The following SAMTOR variants were observed in gnomAD, a reference collection of about 807,000 sequenced individuals.
SAMTOR encodes the protein UPF0532 protein C7orf60.
chr7:112,894,520 G>T, the SAMTOR span, among the ~76,000 whole-genome samples: 3 of 152,122 alleles, frequency 2.0e-5, no homozygotes, highest in African/African-American at 7.2e-5. Flanking sequence ...AGGTTTAATG[G>T]ACTCACAGCT....
At chr7:112,847,480 A>C in the SAMTOR span, among the ~76,000 whole-genome samples, 1 of 152,176 alleles carries the variant, frequency 6.6e-6, no homozygotes. Context: ...TTTGATGTGG[A>C]AAATATTACA....
chr7:112,910,778 A>G, the SAMTOR span, among the ~76,000 whole-genome samples: 1 of 152,166 alleles, frequency 6.6e-6, no homozygotes, highest in Admixed American at 6.5e-5. Flanking sequence ...AATAAATGAG[A>G]TTGAGGAAAT....
chr7:112,826,176 C>T, the SAMTOR span, among the ~76,000 whole-genome samples: 1 of 151,980 alleles, frequency 6.6e-6, no homozygotes, highest in African/African-American at 2.4e-5. Flanking sequence ...GAGTAATGGC[C>T]TCATAGAATG....
the SAMTOR span, among the ~76,000 whole-genome samples, chr7:112,916,739 C>T: frequency 6.6e-6 from 1 of 152,146 alleles, no homozygotes; most frequent in Non-Finnish European, 1.5e-5. Context: ...CACTCCCACC[C>T]TAATACTGCG....
chr7:112,820,978 G>A, the SAMTOR span: 1 of 152,376 alleles, frequency 6.6e-6, no homozygotes, highest in Non-Finnish European at 1.5e-5. Context: ...TGAAGCCTAA[G>A]TTTAAGAAAA....
the SAMTOR span, among the ~76,000 whole-genome samples, chr7:112,842,238 C>G: frequency 6.6e-6 from 1 of 151,878 alleles, no homozygotes; most frequent in South Asian, 2.1e-4. Context: ...TTTTGTGGAC[C>G]CACTTTGCAG....
chr7:112,934,940 T>C, the SAMTOR span, among the ~76,000 whole-genome samples: 2 of 152,326 alleles, frequency 1.3e-5, no homozygotes, highest in South Asian at 2.1e-4. Context: ...ATGCCCTTCA[T>C]TGAACTGACT....
At chr7:112,882,205 C>G in the SAMTOR span, among the ~76,000 whole-genome samples, 9 of 152,346 alleles carry the variant, frequency 5.9e-5, no homozygotes, top group East Asian at 1.5e-3. Context: ...TCACACACCC[C>G]TTGCCACTCT....
chr7:112,859,500 T>C, the SAMTOR span, among the ~76,000 whole-genome samples: 2 of 152,238 alleles, frequency 1.3e-5, no homozygotes, highest in Non-Finnish European at 2.9e-5. Flanking sequence ...ACTTTTGTTA[T>C]ATTAGTGTAT....
chr7:112,856,925 A>G, the SAMTOR span, among the ~76,000 whole-genome samples: 4 of 152,172 alleles, frequency 2.6e-5, no homozygotes, highest in Non-Finnish European at 5.9e-5. Flanking sequence ...TTATCTGATA[A>G]GTTAGGTTCA....
the SAMTOR span, among the ~76,000 whole-genome samples, chr7:112,827,213 C>CT: frequency 2.6e-5 from 4 of 152,092 alleles, no homozygotes; most frequent in Admixed American, 1.3e-4. Context: ...TGGGTCTTGG[C>CT]TTTTTTCCCC....
the SAMTOR span, among the ~76,000 whole-genome samples, chr7:112,880,346 T>G: frequency 2.6e-5 from 4 of 152,248 alleles, no homozygotes; most frequent in East Asian, 5.8e-4. Context: ...TAGACGATCA[T>G]ACAGTATTTC....
the SAMTOR span, among the ~76,000 whole-genome samples, chr7:112,874,088 A>G: frequency 1.3e-5 from 2 of 152,268 alleles, no homozygotes; most frequent in Admixed American, 1.3e-4. Context: ...GAACACATAC[A>G]TTGTTGGTGG....
the SAMTOR span, among the ~76,000 whole-genome samples, chr7:112,826,891 G>C: frequency 6.6e-6 from 1 of 152,126 alleles, no homozygotes; most frequent in African/African-American, 2.4e-5. Context: ...ATTTAGAGGG[G>C]TGCTGAAATC....
chr7:112,892,785 T>A, the SAMTOR span, among the ~76,000 whole-genome samples: 15 of 150,010 alleles, frequency 1.0e-4, no homozygotes, highest in East Asian at 3.9e-4. Context: ...AAAAAAAAAA[T>A]AATAATAATA....
At chr7:112,847,683 C>G in the SAMTOR span, among the ~76,000 whole-genome samples, 153 of 152,090 alleles carry the variant, frequency 1.0e-3, no homozygotes, top group African/African-American at 3.6e-3. Flanking sequence ...GAGGCTGAGG[C>G]GGGAGAATTG....
the SAMTOR span, among the ~76,000 whole-genome samples, chr7:112,846,927 T>C: frequency 6.6e-6 from 1 of 152,366 alleles, no homozygotes; most frequent in African/African-American, 2.4e-5. Flanking sequence ...TAATTACTGC[T>C]TATAATTGTT....
chr7:112,903,062 C>G, the SAMTOR span, among the ~76,000 whole-genome samples: 1 of 152,264 alleles, frequency 6.6e-6, no homozygotes, highest in Non-Finnish European at 1.5e-5. Context: ...GCCTGTAATC[C>G]CAGCACTTTG....
chr7:112,865,631 TATCATATATACATATA>T, the SAMTOR span, among the ~76,000 whole-genome samples: 3 of 146,536 alleles, frequency 2.0e-5, no homozygotes, highest in Admixed American at 2.1e-4. Flanking sequence ...TTCATATATA[TATCATATATACATATA>T]TTCATATATA....
Sources: gnomAD v4.1 joint callset for allele counts (sites outside exome capture counted in the v4.1 genomes callset) on GRCh38, gnomAD v4.1.1 for gene constraint, MANE v1.5 for transcripts, NCBI Gene and HGNC (gene_info 2026-07-23, HGNC 2026-07-21) for gene names.